The following RPAP2 variants were observed in gnomAD, a reference collection of about 807,000 sequenced individuals.
RPAP2 encodes RNA polymerase II associated protein 2, also known as putative RNA polymerase II subunit B1 CTD phosphatase RPAP2.
A neutral mutation model predicts 73.1 loss-of-function variants in RPAP2; 52 were observed. The ratio of observed to expected loss-of-function variants is 0.71; its 90% CI spans 0.57 to 0.90. The LOEUF (loss-of-function observed/expected upper bound fraction) is 0.90. Ranked by LOEUF, RPAP2 falls within the 40% of genes least tolerant of loss-of-function variation. RPAP2 has a pLI of 0.00. For missense variants in RPAP2, 598 were observed against 701.8 expected, an observed-to-expected ratio of 0.85 and a Z score of 1.67; for synonymous variants, 225 against 242.1, an observed-to-expected ratio of 0.93 and a Z score of 0.65.
intron 11 of RPAP2, among the ~76,000 whole-genome samples, chr1:92,356,776 A>G (rs1344330557): frequency 2.0e-5 from 3 of 151,714 alleles, no homozygotes; most frequent in African/African-American, 7.3e-5. Context: ...TCTCATTAAA[A>G]AATGGGCCAG....
intron 6 of RPAP2, among the ~76,000 whole-genome samples, chr1:92,317,038 G>C (rs548013759): frequency 6.6e-6 from 1 of 152,142 alleles, no homozygotes; most frequent in East Asian, 1.9e-4. Context: ...CCTGTGAAAG[G>C]GATTAAGCAA....
chr1:92,346,401 A>G, intron 11 of RPAP2, among the ~76,000 whole-genome samples: 1 of 152,072 alleles, frequency 6.6e-6, no homozygotes, highest in East Asian at 1.9e-4. Context: ...TGGACTCAAG[A>G]GAGCCACCTG....
intron 11 of RPAP2, among the ~76,000 whole-genome samples, chr1:92,370,716 C>T (rs75859797): frequency 6.6e-6 from 1 of 151,540 alleles, no homozygotes; most frequent in African/African-American, 2.4e-5. Context: ...AAAAAAAACA[C>T]GGGGGTGGGG....
At chr1:92,329,884 T>C (rs1280906228) in intron 8 of RPAP2, among the ~76,000 whole-genome samples, 3 of 152,200 alleles carry the variant, frequency 2.0e-5, no homozygotes, top group Non-Finnish European at 4.4e-5. Flanking sequence ...AATCACATGG[T>C]ACAAATTAAG....
rs1023938825 is a variant in RPAP2 at position 92,390,049 on chromosome 1, A to G, written c.*3038A>G. The G allele has an allele frequency of 4.6e-5, 7 of 152,228 alleles. No homozygotes were observed. The highest frequency in any genetic ancestry group is 7.3e-5 in the Non-Finnish European group (5 of 68,050). 9.4% of individuals were successfully genotyped at this position (152,228 alleles called of 1,614,324 possible). ...AAATTCAGGAAATACAGAGAACACC[A>G]CAAAGATACTCCTCAAGAAGAGCAA... On this transcript the variant is annotated 3_prime_UTR_variant, in exon 13 of 13. Transcript: ENST00000610020.
chr1:92,380,350 T>C (rs1426753008), intron 11 of RPAP2, among the ~76,000 whole-genome samples: 2 of 152,286 alleles, frequency 1.3e-5, no homozygotes, highest in African/African-American at 2.4e-5. Context: ...TTTTAGGTGA[T>C]ATAATCCAAA....
chr1:92,321,431 T>A (rs1652252939), intron 7 of RPAP2, among the ~76,000 whole-genome samples: 1 of 152,092 alleles, frequency 6.6e-6, no homozygotes, highest in Non-Finnish European at 1.5e-5. Flanking sequence ...TCTTTTTTCT[T>A]CATTCCCATC....
rs1414690551 is a variant in RPAP2, at chr1:92,393,353, C to T, written c.*6342C>T. On this transcript the variant is annotated 3_prime_UTR_variant, in exon 13 of 13. Transcript: ENST00000610020. Reference sequence around the variant, plus strand: ...ACTCAAGATGGAACAAAGACTTAAACGTAAGACCTAGGACCATAAAAATCC... The same window carrying T: ...ACTCAAGATGGAACAAAGACTTAAATGTAAGACCTAGGACCATAAAAATCC... 5.3e-5 allele frequency: 8 copies of T among 152,124 alleles called. No homozygotes were observed. Among genetic ancestry groups the T allele is most frequent in the African/African-American group, 1.7e-4 (7 of 41,424 alleles). The allele number at this position is 152,124 out of a possible 1,614,324, so 9.4% of individuals were successfully genotyped here.
At chr1:92,337,289 T>C (rs1195178809) in intron 10 of RPAP2, among the ~76,000 whole-genome samples, 1 of 152,156 alleles carries the variant, frequency 6.6e-6, no homozygotes, top group Admixed American at 6.5e-5. Context: ...TTTCTTGGCA[T>C]AGTCAGCTGT....
rs1652472281 is a variant in RPAP2 at position 92,324,002 on chromosome 1, T to C, written c.1082T>C (p.Val361Ala). The change falls in exon 8 of 13, where the codon GTT (valine) becomes GCT (alanine). Residue 361 changes from valine (V) to alanine (A), a missense_variant. Around this residue, in one of 3 missense-constraint regions of RPAP2, gnomAD observed 506 missense variants for 612.8 expected, o/e 0.83. Transcript: ENST00000610020. ...VSSSVQVCPEVGKRNLLKVLK... is the reference protein window; with the variant it reads ...VSSSVQVCPEAGKRNLLKVLK... ...AGTTCAGTGCAGGTGTGTCCTGAAG[T>C]TGGAAAGAGAAACTTACTTAAAGTT... The C allele has an allele frequency of 2.5e-6, 4 of 1,613,824 alleles. No homozygotes were observed. The highest frequency in any genetic ancestry group is 2.7e-5 in the African/African-American group (2 of 74,878).
At chr1:92,305,153 C>T (rs1181664572) in intron 5 of RPAP2, among the ~76,000 whole-genome samples, 1 of 150,966 alleles carries the variant, frequency 6.6e-6, no homozygotes, top group African/African-American at 2.4e-5. Context: ...AGACAATAGA[C>T]CGGGCGCCCT....
chr1:92,355,758 A>C (rs903778332), intron 11 of RPAP2, among the ~76,000 whole-genome samples: 5 of 152,230 alleles, frequency 3.3e-5, no homozygotes, highest in Non-Finnish European at 5.9e-5. Flanking sequence ...ATGATGCTCA[A>C]AGGAAATACT....
chr1:92,363,169 C>T (rs12059645), intron 11 of RPAP2, among the ~76,000 whole-genome samples: 3,414 of 152,212 alleles, frequency 0.022, 159 homozygotes, highest in African/African-American at 0.077. Flanking sequence ...AGTCAGTAAA[C>T]GTTGGCTTCT....
intron 10 of RPAP2, among the ~76,000 whole-genome samples, chr1:92,342,705 C>T (rs1455515482): frequency 6.6e-6 from 1 of 152,064 alleles, no homozygotes; most frequent in Non-Finnish European, 1.5e-5. Flanking sequence ...AAGAAGTGAT[C>T]AGATCCTATT....
intron 10 of RPAP2, among the ~76,000 whole-genome samples, chr1:92,336,807 A>G (rs923143969): frequency 2.6e-5 from 4 of 152,116 alleles, no homozygotes; most frequent in Non-Finnish European, 5.9e-5. Flanking sequence ...CCCTAAAGGA[A>G]GAACTCTCCT....
intron 11 of RPAP2, among the ~76,000 whole-genome samples, chr1:92,368,920 G>A (rs1035577631): frequency 3.9e-5 from 6 of 152,194 alleles, no homozygotes; most frequent in Admixed American, 1.3e-4. Context: ...AAGGATATCT[G>A]TATTTTCAGA....
intron 8 of RPAP2, among the ~76,000 whole-genome samples, chr1:92,327,384 T>C (rs1158916273): frequency 6.6e-6 from 1 of 152,268 alleles, no homozygotes; most frequent in African/African-American, 2.4e-5. Context: ...ATTTTCCTAT[T>C]GGACTAGTCC....
chr1:92,382,995 A>G (rs1437072094), intron 12 of RPAP2, among the ~76,000 whole-genome samples: 49 of 152,232 alleles, frequency 3.2e-4, no homozygotes, highest in Non-Finnish European at 7.1e-4. Context: ...ATGGCTAGCC[A>G]GTTTTCCCAG....
At chr1:92,356,995 A>G (rs1360317704) in intron 11 of RPAP2, among the ~76,000 whole-genome samples, 2 of 151,688 alleles carry the variant, frequency 1.3e-5, no homozygotes, top group African/African-American at 4.8e-5. Flanking sequence ...GAACTCAGGA[A>G]GCAGAGGTTG....
Sources: allele counts gnomAD v4.1 joint callset (sites outside exome capture counted in the v4.1 genomes callset), GRCh38; gene constraint gnomAD v4.1.1; regional missense constraint gnomAD v4.1.1; transcripts MANE v1.5; gene names NCBI Gene and HGNC (gene_info 2026-07-23, HGNC 2026-07-21).